ROBO2: variants seen among roughly 807,000 people sequenced by gnomAD.
ROBO2 encodes the protein roundabout homolog 2.
ROBO2 carries 53 observed loss-of-function variants against 160.8 expected under a neutral mutation model. The ratio of observed to expected loss-of-function variants is 0.33; its 90% CI spans 0.26 to 0.41. The LOEUF is 0.41. ROBO2 is among the 10% of genes least tolerant of loss of function. ROBO2 has a pLI of 1.00. For missense variants in ROBO2, 1,577 were observed against 1,722.4 expected, an observed-to-expected ratio of 0.92 and a Z score of 1.49; for synonymous variants, 664 against 611.7, an observed-to-expected ratio of 1.09 and a Z score of -1.26.
At chr3:76,354,953 A>T (rs1003199004) in intron 2 of ROBO2, among the ~76,000 whole-genome samples, 5 of 151,858 alleles carry the variant, frequency 3.3e-5, no homozygotes, top group Admixed American at 3.3e-4. Context: ...AACTGTTAGG[A>T]CCCAGTGAAA....
intron 2 of ROBO2, among the ~76,000 whole-genome samples, chr3:76,358,860 G>A (rs1418168539): frequency 1.3e-5 from 2 of 151,288 alleles, no homozygotes; most frequent in Non-Finnish European, 2.9e-5. Context: ...CCATGCTGGT[G>A]TGCTGCACCC....
At chr3:76,926,753 A>G (rs2077016661) in intron 2 of ROBO2, among the ~76,000 whole-genome samples, 1 of 152,194 alleles carries the variant, frequency 6.6e-6, no homozygotes, top group African/African-American at 2.4e-5. Flanking sequence ...GTGTGAATGA[A>G]GCTGCAGATC....
chr3:77,023,581 C>G (rs566829197), intron 2 of ROBO2, among the ~76,000 whole-genome samples: 2 of 152,236 alleles, frequency 1.3e-5, no homozygotes, highest in South Asian at 4.1e-4. Context: ...ATTTTAATAA[C>G]TTTTTGTATG....
intron 2 of ROBO2, among the ~76,000 whole-genome samples, chr3:76,253,618 C>A (rs1329845834): frequency 1.3e-5 from 2 of 149,326 alleles, no homozygotes; most frequent in Non-Finnish European, 3.0e-5. Flanking sequence ...AATTTACAGC[C>A]ACTAAGAGTA....
chr3:76,623,836 A>C (rs749417007), intron 2 of ROBO2, among the ~76,000 whole-genome samples: 13 of 152,174 alleles, frequency 8.5e-5, no homozygotes, highest in Non-Finnish European at 1.8e-4. Flanking sequence ...AGCAAAGTCA[A>C]GTTTAGGGGA....
chr3:76,317,706 T>C (rs2072156762), intron 2 of ROBO2, among the ~76,000 whole-genome samples: 1 of 152,122 alleles, frequency 6.6e-6, no homozygotes, highest in African/African-American at 2.4e-5. Context: ...ACATGTTTTT[T>C]CTATATGTTC....
At chr3:76,247,494 C>G (rs1218225769) in intron 2 of ROBO2, among the ~76,000 whole-genome samples, 1 of 152,060 alleles carries the variant, frequency 6.6e-6, no homozygotes, top group East Asian at 1.9e-4. Context: ...TACTCTAACC[C>G]ATTTTCTGAA....
At chr3:77,208,149 T>C (rs1579985218) in intron 2 of ROBO2, among the ~76,000 whole-genome samples, 1 of 152,208 alleles carries the variant, frequency 6.6e-6, no homozygotes, top group Non-Finnish European at 1.5e-5. Context: ...TGTGAGCAGA[T>C]TGATCAGGAA....
intron 2 of ROBO2, among the ~76,000 whole-genome samples, chr3:77,143,003 A>T (rs1195404213): frequency 6.6e-6 from 1 of 152,092 alleles, no homozygotes; most frequent in Non-Finnish European, 1.5e-5. Flanking sequence ...GAAATGAAGT[A>T]ACTCACCTAA....
At chr3:77,330,467 A>G (rs928359527) in intron 2 of ROBO2, among the ~76,000 whole-genome samples, 3 of 152,196 alleles carry the variant, frequency 2.0e-5, no homozygotes, top group African/African-American at 7.2e-5. Context: ...GCTTTCAGCT[A>G]AGATCACACC....
At chr3:77,443,341 G>A (rs1464902266) in intron 2 of ROBO2, among the ~76,000 whole-genome samples, 1 of 151,456 alleles carries the variant, frequency 6.6e-6, no homozygotes, top group African/African-American at 2.4e-5. Flanking sequence ...AATAAATTCA[G>A]CTTAACATGG....
chr3:76,680,505 G>A (rs1482954880), intron 2 of ROBO2, among the ~76,000 whole-genome samples: 2 of 152,042 alleles, frequency 1.3e-5, no homozygotes, highest in Admixed American at 1.3e-4. Flanking sequence ...GAATGTAGAT[G>A]TAGACAAATG....
chr3:75,932,176 C>G (rs566692591), intron 1 of ROBO2, among the ~76,000 whole-genome samples: 1 of 152,236 alleles, frequency 6.6e-6, no homozygotes, highest in African/African-American at 2.4e-5. Context: ...AATCACCCTG[C>G]TTCTCTGGAG....
intron 2 of ROBO2, among the ~76,000 whole-genome samples, chr3:77,195,660 C>A (rs879575965): frequency 2.0e-5 from 3 of 152,046 alleles, no homozygotes; most frequent in Admixed American, 6.5e-5. Context: ...CTTTTTAGAA[C>A]GAAATATAAG....
chr3:76,398,152 A>T (rs1481918398), intron 2 of ROBO2, among the ~76,000 whole-genome samples: 1 of 152,102 alleles, frequency 6.6e-6, no homozygotes, highest in Admixed American at 6.6e-5. Context: ...GCCATAAAAA[A>T]TGATGAGTTC....
intron 16 of ROBO2, among the ~76,000 whole-genome samples, chr3:77,581,115 A>T (rs1030633770): frequency 6.6e-6 from 1 of 152,102 alleles, no homozygotes; most frequent in African/African-American, 2.4e-5. Context: ...CTTATTGGCC[A>T]TTCACATAAT....
intron 2 of ROBO2, among the ~76,000 whole-genome samples, chr3:76,066,824 T>C (rs1041049125): frequency 7.9e-5 from 12 of 151,940 alleles, no homozygotes; most frequent in Admixed American, 7.2e-4. Context: ...TAATATTTTA[T>C]ATAAATATTA....
chr3:76,058,572 C>T (rs1391298323), intron 2 of ROBO2, among the ~76,000 whole-genome samples: 2 of 133,148 alleles, frequency 1.5e-5, no homozygotes, highest in East Asian at 2.2e-4. Flanking sequence ...AACTATCACA[C>T]GTCGAAACAG....
intron 1 of ROBO2, among the ~76,000 whole-genome samples, chr3:75,927,362 A>G (rs1364709281): frequency 1.3e-5 from 2 of 152,166 alleles, no homozygotes; most frequent in African/African-American, 2.4e-5. Context: ...CTGTTGTTAA[A>G]TTTACTTTTT....
Sources: allele counts gnomAD v4.1 joint callset (sites outside exome capture counted in the v4.1 genomes callset), GRCh38; gene constraint gnomAD v4.1.1; transcripts MANE v1.5; gene names NCBI Gene and HGNC (gene_info 2026-07-23, HGNC 2026-07-21).